ZMIZ1: variants seen among roughly 807,000 people sequenced by gnomAD.
The protein encoded by ZMIZ1 is zinc finger MIZ domain-containing protein 1.
In ZMIZ1, 17 loss-of-function variants were observed where a neutral mutation model predicts 113.9. The ratio of observed to expected loss-of-function variants is 0.15; its 90% confidence interval spans 0.10 to 0.22. ZMIZ1 has a LOEUF of 0.22. Among genes scored for constraint, ZMIZ1 ranks in the 10% least tolerant of loss-of-function variants. The probability of loss-of-function intolerance (pLI) is 1.00; values close to 1 mark genes in which losing one functional copy is unlikely to be tolerated. For synonymous variants in ZMIZ1, 607 were observed against 603.1 expected (o/e 1.01, Z -0.09); for missense variants, 1,059 against 1,477.8 (o/e 0.72, Z 4.65).
chr10:79,137,829 G>C lies in ZMIZ1; in HGVS notation c.-226-1853G>C, dbSNP rs536136350. On this transcript the variant is annotated intron_variant, in intron 2 of 24. Coordinates refer to ENST00000334512, the MANE Select transcript of ZMIZ1 (RefSeq NM_020338.4). The stretch of plus-strand genomic sequence containing the variant: ...TCTGAGAGGACGGGCCCTCGGCTGG[G>C]GGGGGGGTGCTCCTAGGGTGGGCGC... Among the ~76,000 whole-genome samples, 483 of 150,110 alleles carry C rather than the reference G, an allele frequency of 3.2e-3. 4 individuals are homozygous for C. Among genetic ancestry groups the C allele is most frequent in the African/African-American group, 0.011 (453 of 39,980 alleles).
chr10:79,310,452 G>A (rs764113583), intron 23 of ZMIZ1, among the ~76,000 whole-genome samples: 3 of 152,156 alleles, frequency 2.0e-5, no homozygotes, highest in South Asian at 2.1e-4. Context: ...GTCCTGAGCC[G>A]CACGCCCGCC....
chr10:79,091,156 C>T (rs1474217789), intron 1 of ZMIZ1, among the ~76,000 whole-genome samples: 1 of 152,210 alleles, frequency 6.6e-6, no homozygotes, highest in Non-Finnish European at 1.5e-5. Context: ...GGGTGACATT[C>T]ATTTCCACAG....
intron 4 of ZMIZ1, among the ~76,000 whole-genome samples, chr10:79,193,208 C>T (rs576539805): frequency 2.0e-5 from 3 of 152,298 alleles, no homozygotes; most frequent in Admixed American, 1.3e-4. Flanking sequence ...ACTTTCATTC[C>T]GTTCATACTA....
At chr10:79,081,084 T>G (rs940222981) in intron 1 of ZMIZ1, among the ~76,000 whole-genome samples, 1 of 152,166 alleles carries the variant, frequency 6.6e-6, no homozygotes, top group Non-Finnish European at 1.5e-5. Context: ...GGCTGCTCCC[T>G]GCCTCCCCAG....
chr10:79,086,657 A>G (rs1470191160), intron 1 of ZMIZ1, among the ~76,000 whole-genome samples: 1 of 152,154 alleles, frequency 6.6e-6, no homozygotes, highest in Non-Finnish European at 1.5e-5. Context: ...TACCGGCACG[A>G]GCCATCACCC....
intron 2 of ZMIZ1, among the ~76,000 whole-genome samples, chr10:79,130,713 G>A (rs563337946): frequency 1.3e-5 from 2 of 152,180 alleles, no homozygotes; most frequent in South Asian, 2.1e-4. Flanking sequence ...TTAACCTCTC[G>A]GTGCTTCAAT....
chr10:79,092,344 G>T (rs1124440), intron 1 of ZMIZ1, among the ~76,000 whole-genome samples: 1 of 152,106 alleles, frequency 6.6e-6, no homozygotes, highest in Non-Finnish European at 1.5e-5. Flanking sequence ...TCCAGATTGG[G>T]GGTGACCCTA....
At chr10:79,252,862 T>A (rs1326254700) in intron 7 of ZMIZ1, among the ~76,000 whole-genome samples, 1 of 152,224 alleles carries the variant, frequency 6.6e-6, no homozygotes, top group Non-Finnish European at 1.5e-5. Flanking sequence ...TGTGCAGGAA[T>A]GTGGCATTTC....
chr10:79,281,484 C>T (rs566327170), intron 8 of ZMIZ1, among the ~76,000 whole-genome samples: 5 of 152,288 alleles, frequency 3.3e-5, no homozygotes, highest in East Asian at 1.9e-4. Flanking sequence ...TGTTATGGGC[C>T]GAAGAGCCAC....
At chr10:79,221,255 T>C (rs138251435) in intron 7 of ZMIZ1, among the ~76,000 whole-genome samples, 5 of 152,270 alleles carry the variant, frequency 3.3e-5, no homozygotes, top group Non-Finnish European at 7.4e-5. Flanking sequence ...TGTGTGCATG[T>C]GCGTGCATGC....
Position 79,183,881 on chromosome 10 carries a change from G to A in ZMIZ1, c.-49-17703G>A, listed in dbSNP as rs563046738. On this transcript the variant is annotated intron_variant, in intron 4 of 24. Coordinates refer to ENST00000334512, the MANE Select transcript of ZMIZ1 (RefSeq NM_020338.4). ...TGGGTTTTGGGGTCAGACCAGGGCT[G>A]GAATCCCAGCTGTGCCCCTTATTAG... is the stretch of plus-strand genomic sequence containing the variant. Among the ~76,000 whole-genome samples, 12 of 152,274 alleles carry A rather than the reference G, an allele frequency of 7.9e-5. No individual in the cohort carries two copies. In the South Asian group the frequency reaches 2.5e-3, roughly 32 times the overall value.
At chr10:79,139,639 G>T (rs1180391537) in intron 2 of ZMIZ1, 43 bp from the exon 3 acceptor site, 1 of 398,342 alleles carries the variant, frequency 2.5e-6, no homozygotes, top group East Asian at 3.6e-5. Context: ...ACGGCACACC[G>T]GCCTGCTCTC....
At chr10:79,196,653 C>T (rs571206808) in intron 4 of ZMIZ1, among the ~76,000 whole-genome samples, 9 of 152,306 alleles carry the variant, frequency 5.9e-5, no homozygotes, top group South Asian at 2.1e-4. Context: ...CCTGGGCCCC[C>T]GCTATGACTA....
intron 8 of ZMIZ1, among the ~76,000 whole-genome samples, chr10:79,284,822 T>G (rs905878223): frequency 2.0e-5 from 3 of 152,136 alleles, no homozygotes; most frequent in African/African-American, 7.2e-5. Flanking sequence ...GGCTGAATAT[T>G]AACCTCAAAA....
chr10:79,209,492 G>C (rs558745182), intron 6 of ZMIZ1, among the ~76,000 whole-genome samples: 1 of 152,340 alleles, frequency 6.6e-6, no homozygotes, highest in South Asian at 2.1e-4. Context: ...CACTTTGAAA[G>C]GAATGTGGGT....
At chr10:79,169,128 GC>G (rs1846497083) in intron 4 of ZMIZ1, among the ~76,000 whole-genome samples, 1 of 152,182 alleles carries the variant, frequency 6.6e-6, no homozygotes, top group Non-Finnish European at 1.5e-5. Context: ...CTCCCGTGGT[GC>G]CACCTCCATC....
intron 1 of ZMIZ1, among the ~76,000 whole-genome samples, chr10:79,114,318 G>T (rs1206418662): frequency 6.6e-6 from 1 of 152,178 alleles, no homozygotes; most frequent in African/African-American, 2.4e-5. Context: ...CACCCATTTC[G>T]CCGTCTCCGG....
chr10:79,156,474 A>G (rs1845906334), intron 3 of ZMIZ1, among the ~76,000 whole-genome samples: 1 of 152,166 alleles, frequency 6.6e-6, no homozygotes, highest in Admixed American at 6.5e-5. Flanking sequence ...CTGCCTTCCC[A>G]GCAGGTCAGC....
intron 24 of ZMIZ1, 133 bp from the exon 25 acceptor site, chr10:79,312,509 C>A: frequency 1.1e-6 from 1 of 906,420 alleles, no homozygotes; most frequent in Non-Finnish European, 1.8e-6. Context: ...CAAGGCTGTT[C>A]TCTACCCCTT....
Sources: gnomAD v4.1 joint callset for allele counts (sites outside exome capture counted in the v4.1 genomes callset) on GRCh38, gnomAD v4.1.1 for gene constraint, MANE v1.5 for transcripts, NCBI Gene and HGNC (gene_info 2026-07-23, HGNC 2026-07-21) for gene names.